Variants in TMEM132D observed in about 807,000 individuals in gnomAD.
The protein encoded by TMEM132D is transmembrane protein 132D.
Under a neutral mutation model 62.3 loss-of-function variants are expected in TMEM132D, and 21 were observed. The observed-to-expected ratio is 0.34, with a 90% confidence interval of 0.24 to 0.49. The LOEUF is 0.49. Among genes scored for constraint, TMEM132D ranks in the 20% least tolerant of loss-of-function variants. The pLI, the probability that TMEM132D is intolerant of heterozygous loss-of-function variation, is 0.99. For synonymous variants in TMEM132D, 621 were observed against 575.6 expected, an observed-to-expected ratio of 1.08 and a Z score of -1.13; for missense variants, 1,346 against 1,402.8, an observed-to-expected ratio of 0.96 and a Z score of 0.65.
intron 1 of TMEM132D, among the ~76,000 whole-genome samples, chr12:129,882,283 C>G (rs1306264932): frequency 6.6e-6 from 1 of 151,930 alleles, no homozygotes; most frequent in Non-Finnish European, 1.5e-5. Flanking sequence ...CCCGTAGTAC[C>G]CTAACACCAA....
chr12:129,627,062 A>T (rs918114341), intron 2 of TMEM132D, among the ~76,000 whole-genome samples: 3 of 152,196 alleles, frequency 2.0e-5, no homozygotes, highest in African/African-American at 7.2e-5. Flanking sequence ...GTGTGACAGG[A>T]TCAAGCCAGC....
At chr12:129,302,142 G>T (rs1405676828) in intron 4 of TMEM132D, among the ~76,000 whole-genome samples, 3 of 152,184 alleles carry the variant, frequency 2.0e-5, no homozygotes, top group Admixed American at 6.5e-5. Flanking sequence ...TTTTGACGAA[G>T]TCTTGCTCTC....
intron 2 of TMEM132D, among the ~76,000 whole-genome samples, chr12:129,661,299 G>A (rs1269234753): frequency 6.6e-6 from 1 of 152,210 alleles, no homozygotes; most frequent in Admixed American, 6.5e-5. Context: ...ATGGAAGTGA[G>A]GCTGCAAATG....
intron 4 of TMEM132D, among the ~76,000 whole-genome samples, chr12:129,318,565 T>C (rs1354100551): frequency 1.3e-5 from 2 of 152,200 alleles, no homozygotes; most frequent in Non-Finnish European, 2.9e-5. Flanking sequence ...GTGCAATGGA[T>C]TCCATGAGGA....
chr12:129,903,509 G>T lies in TMEM132D; in HGVS notation c.-170C>A. On this transcript the variant is annotated 5_prime_UTR_variant, in exon 1 of 9. Coordinates refer to ENST00000422113, the MANE Select transcript of TMEM132D (RefSeq NM_133448.3). This position sits in a 1 kb window ranked among gnomAD's most constrained non-coding sequence, Gnocchi z 6.2. ...CCTCTTCCCGCCAGTCCATGGCCAGGCCGGGAGGCGACGACCGCGCGGGCT... is the reference window on the plus strand; with the variant it reads ...CCTCTTCCCGCCAGTCCATGGCCAGTCCGGGAGGCGACGACCGCGCGGGCT... 1.5e-6 allele frequency: 1 copy of T among 655,192 alleles called. No individual in the cohort carries two copies. 40.6% of individuals were successfully genotyped at this position (655,192 alleles called of 1,614,324 possible).
intron 1 of TMEM132D, among the ~76,000 whole-genome samples, chr12:129,786,650 G>A (rs1871255329): frequency 6.6e-6 from 1 of 152,182 alleles, no homozygotes; most frequent in African/African-American, 2.4e-5. Flanking sequence ...CAGCACTCTG[G>A]GAGGCCAAGG....
chr12:129,702,632 T>A (rs750290088), intron 1 of TMEM132D, among the ~76,000 whole-genome samples: 48 of 152,322 alleles, frequency 3.2e-4, no homozygotes, highest in Non-Finnish European at 6.8e-4. Flanking sequence ...TTCTGTAGCA[T>A]CCCCAGCTTC....
chr12:129,228,433 A>G (rs12370754), intron 4 of TMEM132D, among the ~76,000 whole-genome samples: 48,807 of 152,048 alleles, frequency 0.32, 8,213 homozygotes, highest in Middle Eastern at 0.43. Context: ...AGTCACAGAT[A>G]CGTGCAGTAT....
At chr12:129,839,234 ATTC>A (rs1224712703) in intron 1 of TMEM132D, among the ~76,000 whole-genome samples, 1 of 146,798 alleles carries the variant, frequency 6.8e-6, no homozygotes, top group Admixed American at 7.0e-5. Context: ...GTTTCAAGCA[ATTC>A]TTCTGCCTCA....
intron 1 of TMEM132D, among the ~76,000 whole-genome samples, chr12:129,750,693 G>C (rs959675018): frequency 3.3e-5 from 5 of 152,162 alleles, no homozygotes; most frequent in Non-Finnish European, 5.9e-5. Context: ...GGGAGGAGCA[G>C]GGAAAGCTGG....
At chr12:129,546,736 G>A (rs1165916543) in intron 2 of TMEM132D, among the ~76,000 whole-genome samples, 1 of 151,684 alleles carries the variant, frequency 6.6e-6, no homozygotes, top group Non-Finnish European at 1.5e-5. Context: ...AGGAGGTGGA[G>A]GTTGCAGTGA....
chr12:129,396,841 CTTG>C (rs1871445808), intron 3 of TMEM132D, among the ~76,000 whole-genome samples: 1 of 152,068 alleles, frequency 6.6e-6, no homozygotes, highest in Admixed American at 6.5e-5. Context: ...AAGCCATATT[CTTG>C]TTAATTTTTA....
At chr12:129,902,466 A>C (rs1322591568) in intron 1 of TMEM132D, among the ~76,000 whole-genome samples, 2 of 152,134 alleles carry the variant, frequency 1.3e-5, no homozygotes, top group East Asian at 3.9e-4. Flanking sequence ...CTCTTCAAGG[A>C]AGAATGACTG....
chr12:129,189,554 A>G (rs978682310), intron 5 of TMEM132D, among the ~76,000 whole-genome samples: 2 of 152,206 alleles, frequency 1.3e-5, no homozygotes, highest in Middle Eastern at 6.8e-3. Flanking sequence ...CCCATAGCCC[A>G]CCGTGCATCT....
chr12:129,195,389 A>G (rs12425919), intron 5 of TMEM132D, among the ~76,000 whole-genome samples: 42,142 of 151,934 alleles, frequency 0.28, 6,614 homozygotes, highest in East Asian at 0.51. Context: ...AGTTGTAAGG[A>G]ACATAGCTTT....
At chr12:129,208,179 T>C (rs1306696670) in intron 5 of TMEM132D, among the ~76,000 whole-genome samples, 3 of 151,838 alleles carry the variant, frequency 2.0e-5, no homozygotes, top group Non-Finnish European at 2.9e-5. Flanking sequence ...TTTGAGGTGA[T>C]TGTGTCTGGG....
chr12:129,363,969 T>C (rs774920011), intron 3 of TMEM132D, among the ~76,000 whole-genome samples: 2 of 152,246 alleles, frequency 1.3e-5, no homozygotes, highest in Non-Finnish European at 2.9e-5. Context: ...TTGTTATCAG[T>C]TTCATGTGAA....
chr12:129,391,498 C>T (rs1871288012), intron 3 of TMEM132D, among the ~76,000 whole-genome samples: 1 of 152,272 alleles, frequency 6.6e-6, no homozygotes, highest in Non-Finnish European at 1.5e-5. Context: ...GAGAACCTCA[C>T]CCTCGAAAGG....
In TMEM132D at chr12:129,800,323, G is replaced by A. The variant is rs570357212; in HGVS notation, c.80-99625C>T. On this transcript the variant is annotated intron_variant, in intron 1 of 8. Transcript: ENST00000422113. ...CCAAGCTCCTAGCTTAAGGAGGTGC[G>A]GGCAGAGAGTGTCAAAAGGATGAAG... Among the ~76,000 whole-genome samples the A allele has an allele frequency of 1.3e-4, 19 of 151,924 alleles. No homozygotes were observed. In the South Asian group the frequency reaches 2.7e-3, roughly 22 times the overall value.
Sources: gnomAD v4.1 joint callset for allele counts (sites outside exome capture counted in the v4.1 genomes callset) on GRCh38, gnomAD v4.1.1 for gene constraint, Gnocchi (gnomAD v3.1) non-coding constraint, MANE v1.5 for transcripts, NCBI Gene and HGNC (gene_info 2026-07-23, HGNC 2026-07-21) for gene names.